The following NF1 variants were observed in gnomAD, a reference collection of about 807,000 sequenced individuals.
NF1 encodes the protein neurofibromin.
A neutral mutation model predicts 325.7 loss-of-function variants in NF1; 122 were observed. The observed-to-expected ratio is 0.37, with a 90% CI of 0.32 to 0.44. NF1 has a LOEUF of 0.44. Among genes scored for constraint, NF1 ranks in the 20% least tolerant of loss-of-function variants. NF1 has a pLI of 1.00. For synonymous variants in NF1, 1,091 were observed against 1,186.0 expected, an observed-to-expected ratio of 0.92 and a Z score of 1.65; for missense variants, 2,140 against 3,415.4, an observed-to-expected ratio of 0.63 and a Z score of 9.31.
chr17:31,210,419 C>T (rs762138276), intron 12 of NF1, among the ~76,000 whole-genome samples: 3 of 151,984 alleles, frequency 2.0e-5, no homozygotes, highest in Non-Finnish European at 4.4e-5. Flanking sequence ...CTTGTCTCTA[C>T]TAAAAATGCA....
chr17:31,249,712 T>G (rs2067461577), intron 30 of NF1, among the ~76,000 whole-genome samples: 1 of 152,226 alleles, frequency 6.6e-6, no homozygotes, highest in Non-Finnish European at 1.5e-5. Context: ...ATAGCCATAG[T>G]CATGGCCTTC....
chr17:31,206,170 G>A (rs2143912284), intron 11 of NF1, 70 bp from the exon 12 acceptor site: 1 of 1,558,410 alleles, frequency 6.4e-7, no homozygotes, highest in South Asian at 1.1e-5. Flanking sequence ...TAAAACTACA[G>A]TGATAAACAG....
chr17:31,245,130 AT>A (rs1354086876), intron 29 of NF1, among the ~76,000 whole-genome samples: 4 of 152,156 alleles, frequency 2.6e-5, no homozygotes, highest in Non-Finnish European at 2.9e-5. Context: ...CAAAAAAAAA[AT>A]TTCACAAAGT....
At chr17:31,320,678 C>T (rs985120903) in intron 36 of NF1, among the ~76,000 whole-genome samples, 1 of 152,144 alleles carries the variant, frequency 6.6e-6, no homozygotes, top group Non-Finnish European at 1.5e-5. Context: ...TAGATTATGA[C>T]CTTTAGTAGA....
chr17:31,310,312 T>C (rs1377557737), intron 36 of NF1, among the ~76,000 whole-genome samples: 1 of 151,514 alleles, frequency 6.6e-6, no homozygotes, highest in Non-Finnish European at 1.5e-5. Context: ...GGAAGGTCAA[T>C]TGACTAGAGA....
rs544135680 is a variant in NF1, at chr17:31,334,567, A to G, written c.5813-271A>G. 159 of 416,702 alleles carry G rather than the reference A, an allele frequency of 3.8e-4. 1 individual carries two copies. The highest frequency in any genetic ancestry group is 1.4e-3 in the Middle Eastern group (2 of 1,446). 25.8% of individuals were successfully genotyped at this position (416,702 alleles called of 1,614,324 possible). A position where few individuals can be genotyped will look rare whatever the true frequency, so the allele number is the denominator to read the frequency against. On this transcript the variant is annotated intron_variant, in intron 39 of 57. Transcript: ENST00000358273. ...CCACATTTCCTTTTATAATGAGAATAAAACAACTTTTTAACAAGAAAGGAC... is the reference window on the plus strand; with the variant it reads ...CCACATTTCCTTTTATAATGAGAATGAAACAACTTTTTAACAAGAAAGGAC...
chr17:31,227,153 C>T (rs1769456146), intron 18 of NF1, 65 bp from the exon 19 acceptor site: 1 of 1,513,398 alleles, frequency 6.6e-7, no homozygotes, highest in Admixed American at 1.7e-5. Context: ...TGGAGCTTAT[C>T]AGGTTCTCCA....
chr17:31,300,593 A>G (rs1343561694), intron 36 of NF1, among the ~76,000 whole-genome samples: 1 of 152,094 alleles, frequency 6.6e-6, no homozygotes, highest in African/African-American at 2.4e-5. Flanking sequence ...GCTGTTACGA[A>G]TAATGCCACA....
chr17:31,217,516 G>C (rs2066840234), intron 13 of NF1, among the ~76,000 whole-genome samples: 1 of 151,712 alleles, frequency 6.6e-6, no homozygotes, highest in South Asian at 2.1e-4. Flanking sequence ...TGTTGGCCAG[G>C]CTAGTCTCGA....
intron 36 of NF1, among the ~76,000 whole-genome samples, chr17:31,291,392 T>G (rs887884651): frequency 6.6e-6 from 1 of 152,234 alleles, no homozygotes; most frequent in Non-Finnish European, 1.5e-5. Flanking sequence ...TTCTTGACAT[T>G]GTATATTTTT....
rs192333478 is a variant in NF1 at position 31,283,065 on chromosome 17, G to C, written c.4835+17726G>C. ...TTTGAACTTTAACTTCCGGGTCTTA[G>C]ATGTCTTTATCTGGATATACAGAGA... On this transcript the variant is annotated intron_variant, in intron 36 of 57. Coordinates refer to ENST00000358273, the MANE Select transcript of NF1 (RefSeq NM_001042492.3). Among the ~76,000 whole-genome samples, 14 of 152,252 alleles carry C rather than the reference G, an allele frequency of 9.2e-5. No homozygotes were observed. The East Asian group carries it at 2.3e-3, about 25-fold the overall frequency.
At chr17:31,187,316 A>G (rs1048635431) in intron 8 of NF1, among the ~76,000 whole-genome samples, 1 of 152,158 alleles carries the variant, frequency 6.6e-6, no homozygotes, top group Middle Eastern at 3.2e-3. Flanking sequence ...CTCCTGCCTC[A>G]GCCTTCCGAG....
At chr17:31,294,163 A>G (rs566368977) in intron 36 of NF1, among the ~76,000 whole-genome samples, 1 of 152,052 alleles carries the variant, frequency 6.6e-6, no homozygotes, top group South Asian at 2.1e-4. Flanking sequence ...TAAAAGATAA[A>G]TTTTCTTCTC....
rs964288 is a variant in NF1, at chr17:31,352,228, G to A, written c.7458-29G>A. ...GGTTGTATTTGTCACCATATTAATT[G>A]ATTTTTCTCTATTGTTTTCATCTTT... is the stretch of plus-strand genomic sequence containing the variant. On this transcript the variant is annotated intron_variant, in intron 50 of 57. Transcript: ENST00000358273. 0.58 allele frequency: 932,445 copies of A among 1,604,790 alleles called. 278,373 individuals are homozygous for A. The highest frequency in any genetic ancestry group is 0.64 in the Middle Eastern group (3,847 of 6,004).
At chr17:31,160,365 G>A (rs183443299) in intron 3 of NF1, among the ~76,000 whole-genome samples, 1 of 152,204 alleles carries the variant, frequency 6.6e-6, no homozygotes, top group African/African-American at 2.4e-5. Flanking sequence ...TGGGATTACA[G>A]ATGTGAACCA....
chr17:31,204,596 GA>G (rs17880367), intron 11 of NF1, among the ~76,000 whole-genome samples: 1 of 151,870 alleles, frequency 6.6e-6, no homozygotes, highest in South Asian at 2.1e-4. Context: ...TATGAAAAAT[GA>G]AAACTATGAA....
intron 1 of NF1, among the ~76,000 whole-genome samples, chr17:31,100,283 GAAA>G (rs1912200775): frequency 6.6e-6 from 1 of 152,064 alleles, no homozygotes; most frequent in Non-Finnish European, 1.5e-5. Context: ...AAGTATCTTC[GAAA>G]TTACAAACCA....
Position 31,358,587 on chromosome 17 carries a change from A to G in NF1, c.8078A>G (p.Glu2693Gly). Reference sequence around the variant, plus strand: ...GTGCAGAGTGTGGTGTACCATGAAGAATCCCCACCACAATACCAAACATCT... The same window carrying G: ...GTGCAGAGTGTGGTGTACCATGAAGGATCCCCACCACAATACCAAACATCT... ...GIVQSVVYHE[E>G]SPPQYQTSYL... The change falls in exon 55 of 58, where the codon GAA becomes GGA. Residue 2693 changes from glutamate to glycine, a missense_variant. Transcript: ENST00000358273. 6.2e-7 allele frequency: 1 copy of G among 1,614,072 alleles called. No homozygotes were observed. The highest frequency in any genetic ancestry group is 8.5e-7 in the Non-Finnish European group (1 of 1,179,948).
intron 54 of NF1, chr17:31,358,277 C>A: frequency 1.7e-6 from 1 of 591,350 alleles, no homozygotes; most frequent in Non-Finnish European, 3.0e-6. Flanking sequence ...TGACTAAAAA[C>A]AAAAGACAAA....
Sources: gnomAD v4.1 joint callset for allele counts (sites outside exome capture counted in the v4.1 genomes callset) on GRCh38, gnomAD v4.1.1 for gene constraint, MANE v1.5 for transcripts, NCBI Gene and HGNC (gene_info 2026-07-23, HGNC 2026-07-21) for gene names.